The following NEGR1 variants were observed in gnomAD, a reference collection of about 807,000 sequenced individuals.
NEGR1 encodes IgLON family member 4.
Under a neutral mutation model 40.9 loss-of-function variants are expected in NEGR1, and 10 were observed. The observed-to-expected ratio is 0.24, with a 90% CI of 0.15 to 0.42. The LOEUF is 0.42. Among genes scored for constraint, NEGR1 ranks in the 10% least tolerant of loss-of-function variants. The pLI, the probability that NEGR1 is intolerant of heterozygous loss-of-function variation, is 1.00. For missense variants in NEGR1, 352 were observed against 438.9 expected (o/e 0.80, Z 1.77); for synonymous variants, 185 against 166.8 (o/e 1.11, Z -0.84).
At chr1:71,714,021 C>T (rs1013224376) in intron 3 of NEGR1, among the ~76,000 whole-genome samples, 1 of 151,934 alleles carries the variant, frequency 6.6e-6, no homozygotes, top group African/African-American at 2.4e-5. Flanking sequence ...TCTCACACTG[C>T]TATGAAAAAA....
At chr1:72,177,336 C>G (rs1339431913) in intron 1 of NEGR1, among the ~76,000 whole-genome samples, 8 of 151,972 alleles carry the variant, frequency 5.3e-5, no homozygotes, top group Non-Finnish European at 1.2e-4. Context: ...TGCCTAGTTT[C>G]TAGCTAAATT....
chr1:71,879,271 A>G (rs1349112244), intron 2 of NEGR1, among the ~76,000 whole-genome samples: 1 of 152,204 alleles, frequency 6.6e-6, no homozygotes, highest in Non-Finnish European at 1.5e-5. Flanking sequence ...AATTGAGGCT[A>G]AGGACCAAAT....
chr1:71,822,911 G>A (rs556072536), intron 2 of NEGR1, among the ~76,000 whole-genome samples: 6 of 152,100 alleles, frequency 3.9e-5, no homozygotes, highest in African/African-American at 9.6e-5. Context: ...TATTAGAACC[G>A]CCTGCTGAAA....
intron 6 of NEGR1, 127 bp downstream of exon 6, chr1:71,592,690 G>T: frequency 3.0e-6 from 2 of 676,466 alleles, no homozygotes; most frequent in South Asian, 2.4e-5. Context: ...ATTGCGTGAT[G>T]TATAAGGAAT....
At chr1:72,151,775 A>G (rs1651133357) in intron 1 of NEGR1, among the ~76,000 whole-genome samples, 1 of 151,908 alleles carries the variant, frequency 6.6e-6, no homozygotes, top group Non-Finnish European at 1.5e-5. Context: ...AATCATAAAA[A>G]TTTTATAAAT....
chr1:71,578,181 G>A (rs1649021497), intron 6 of NEGR1, among the ~76,000 whole-genome samples: 1 of 152,100 alleles, frequency 6.6e-6, no homozygotes, highest in African/African-American at 2.4e-5. Flanking sequence ...CTGGATTTGT[G>A]TTAAGCCATC....
chr1:72,263,749 A>C (rs558347145), intron 1 of NEGR1, among the ~76,000 whole-genome samples: 14 of 151,542 alleles, frequency 9.2e-5, no homozygotes, highest in African/African-American at 2.7e-4. Context: ...CACACACACA[A>C]AAAAACTCTC....
chr1:71,437,695 G>A (rs1646518883), intron 6 of NEGR1, among the ~76,000 whole-genome samples: 1 of 152,152 alleles, frequency 6.6e-6, no homozygotes, highest in Non-Finnish European at 1.5e-5. Context: ...GGTTAAGCAT[G>A]AGATCTTTGG....
intron 1 of NEGR1, among the ~76,000 whole-genome samples, chr1:72,184,719 C>A (rs1374221226): frequency 6.6e-6 from 1 of 151,968 alleles, no homozygotes; most frequent in African/African-American, 2.4e-5. Context: ...TATGAACCAT[C>A]CGGTCATAGT....
chr1:71,495,532 A>T (rs746460424), intron 6 of NEGR1, among the ~76,000 whole-genome samples: 1 of 152,050 alleles, frequency 6.6e-6, no homozygotes, highest in Non-Finnish European at 1.5e-5. Flanking sequence ...ATTTTTGACT[A>T]CACAAGGAAT....
intron 6 of NEGR1, among the ~76,000 whole-genome samples, chr1:71,485,046 C>T (rs1426709802): frequency 6.6e-6 from 1 of 151,604 alleles, no homozygotes; most frequent in African/African-American, 2.4e-5. Context: ...TGTTTTCTAA[C>T]AGCAGACACA....
intron 2 of NEGR1, among the ~76,000 whole-genome samples, chr1:71,838,644 G>A (rs1274517962): frequency 1.3e-5 from 2 of 152,084 alleles, no homozygotes; most frequent in Admixed American, 6.6e-5. Context: ...GTTTCATTCA[G>A]AGTAGTCTTG....
chr1:72,237,642 A>G (rs561447422), intron 1 of NEGR1, among the ~76,000 whole-genome samples: 4 of 152,194 alleles, frequency 2.6e-5, no homozygotes, highest in Admixed American at 6.6e-5. Context: ...CATATTCCAG[A>G]GCATTATAAA....
chr1:72,149,977 C>T (rs1323509589), intron 1 of NEGR1, among the ~76,000 whole-genome samples: 1 of 150,712 alleles, frequency 6.6e-6, no homozygotes, highest in African/African-American at 2.4e-5. Flanking sequence ...TAAGATGAGA[C>T]CAGTTTATAA....
At chr1:71,947,659 G>A (rs1425460089) in intron 1 of NEGR1, among the ~76,000 whole-genome samples, 5 of 152,032 alleles carry the variant, frequency 3.3e-5, no homozygotes, top group East Asian at 1.9e-4. Context: ...ACTTTGGGCC[G>A]TGGCCCATGG....
chr1:72,020,569 C>T (rs1036190518), intron 1 of NEGR1, among the ~76,000 whole-genome samples: 2 of 151,538 alleles, frequency 1.3e-5, no homozygotes, highest in African/African-American at 2.4e-5. Flanking sequence ...AATACAAGAA[C>T]GAACACTGGA....
At chr1:71,527,434 TC>T (rs1647231627) in intron 6 of NEGR1, among the ~76,000 whole-genome samples, 1 of 151,106 alleles carries the variant, frequency 6.6e-6, no homozygotes, top group African/African-American at 2.4e-5. Flanking sequence ...CATCCATCCA[TC>T]CATCCATCCA....
chr1:71,732,657 T>C (rs571357505), intron 3 of NEGR1, among the ~76,000 whole-genome samples: 2 of 152,292 alleles, frequency 1.3e-5, no homozygotes, highest in East Asian at 3.9e-4. Flanking sequence ...TTTTTTTTCC[T>C]GACACTTTCC....
At chr1:72,180,167 G>A (rs6699841) in intron 1 of NEGR1, among the ~76,000 whole-genome samples, 78,885 of 151,722 alleles carry the variant, frequency 0.52, 21,228 homozygotes, top group East Asian at 0.84. Flanking sequence ...GTATTTTACT[G>A]GCACAAAATA....
Sources: gnomAD v4.1 joint callset for allele counts (sites outside exome capture counted in the v4.1 genomes callset) on GRCh38, gnomAD v4.1.1 for gene constraint, MANE v1.5 for transcripts, NCBI Gene and HGNC (gene_info 2026-07-23, HGNC 2026-07-21) for gene names.